Variants in ESR2 observed in about 807,000 individuals in gnomAD.
ESR2 encodes the protein estrogen receptor 2.
In ESR2, 36 loss-of-function variants were observed where a neutral mutation model predicts 49.6. The ratio of observed to expected loss-of-function variants is 0.73; its 90% CI spans 0.56 to 0.96. The LOEUF (loss-of-function observed/expected upper bound fraction) is 0.96, where lower values mean the gene tolerates loss of function less well. ESR2 is among the 40% of genes least tolerant of loss of function. The probability of loss-of-function intolerance (pLI) is 0.00; values close to 1 mark genes in which losing one functional copy is unlikely to be tolerated. For missense variants in ESR2, 714 were observed against 693.0 expected (o/e 1.03, Z -0.34); for synonymous variants, 320 against 266.1 (o/e 1.20, Z -1.97).
At position 64,229,162 on chromosome 14, in the gene ESR2, G is replaced by C. The variant is rs2098724974; in HGVS notation, c.*3975C>G. ...TCTTATTTTTCCATCTGTCATTGCT[G>C]CTGTTGTGTAAAGGCTCATGCAGAC... On this transcript the variant is annotated 3_prime_UTR_variant, in exon 9 of 9. Coordinates refer to ENST00000341099, the MANE Select transcript of ESR2 (RefSeq NM_001437.3). Among the ~76,000 whole-genome samples, 1 of 152,126 alleles carries C rather than the reference G, an allele frequency of 6.6e-6. No individual in the cohort carries two copies. Among genetic ancestry groups the C allele is most frequent in the Non-Finnish European group, 1.5e-5 (1 of 68,006 alleles).
chr14:64,309,221 A>G (rs2077152819), intron 1 of ESR2, among the ~76,000 whole-genome samples: 1 of 152,156 alleles, frequency 6.6e-6, no homozygotes, highest in Non-Finnish European at 1.5e-5. Context: ...ACTCATACTC[A>G]TTTACTGCTT....
At chr14:64,316,562 A>C (rs2077257890) in intron 1 of ESR2, among the ~76,000 whole-genome samples, 1 of 152,122 alleles carries the variant, frequency 6.6e-6, no homozygotes, top group Non-Finnish European at 1.5e-5. Flanking sequence ...TAATCCCAGC[A>C]CTTTGGGAGG....
intron 1 of ESR2, among the ~76,000 whole-genome samples, chr14:64,302,163 TA>T (rs2077028800): frequency 2.2e-5 from 3 of 133,874 alleles, no homozygotes; most frequent in Admixed American, 8.2e-5. Flanking sequence ...TTTTTATTTT[TA>T]TTTATTTATT....
intron 1 of ESR2, among the ~76,000 whole-genome samples, chr14:64,334,722 C>T (rs1354993998): frequency 2.6e-5 from 4 of 152,274 alleles, no homozygotes. Context: ...TCTCAGCTCA[C>T]TGCAACTTCT....
chr14:64,253,558 ATT>A (rs1491354711), intron 6 of ESR2, among the ~76,000 whole-genome samples: 18 of 90,222 alleles, frequency 2.0e-4, no homozygotes, highest in Non-Finnish European at 2.9e-4. Context: ...GGGGTACACT[ATT>A]TGTGTGTGTG....
chr14:64,329,778 G>GT (rs2077433249), intron 1 of ESR2: 2 of 152,286 alleles, frequency 1.3e-5, no homozygotes, highest in South Asian at 2.1e-4. Flanking sequence ...CTAATTTAAA[G>GT]TTTTTTATGT....
chr14:64,241,145 C>CAAAAA (rs56347632), intron 7 of ESR2, among the ~76,000 whole-genome samples: 12 of 95,380 alleles, frequency 1.3e-4, no homozygotes, highest in East Asian at 4.9e-4. Context: ...GACTCCGTCT[C>CAAAAA]AAAAAAAAAA....
chr14:64,300,819 G>A (rs1374033046), intron 1 of ESR2, among the ~76,000 whole-genome samples: 1 of 152,064 alleles, frequency 6.6e-6, no homozygotes, highest in East Asian at 1.9e-4. Flanking sequence ...TCTTCTTTGA[G>A]ACTGCATCTT....
chr14:64,276,962 A>G (rs2076568995), intron 3 of ESR2, among the ~76,000 whole-genome samples: 1 of 152,198 alleles, frequency 6.6e-6, no homozygotes, highest in African/African-American at 2.4e-5. Context: ...TGTCTTGTTC[A>G]CCACTGCATC....
intron 1 of ESR2, among the ~76,000 whole-genome samples, chr14:64,317,872 C>G (rs953925924): frequency 6.6e-6 from 1 of 152,086 alleles, no homozygotes; most frequent in Non-Finnish European, 1.5e-5. Context: ...TAACAAGCAT[C>G]TATAAAAAAA....
At chr14:64,267,883 CAAAA>C (rs397691951) in intron 4 of ESR2, among the ~76,000 whole-genome samples, 6 of 79,546 alleles carry the variant, frequency 7.5e-5, no homozygotes, top group Admixed American at 2.6e-4. Flanking sequence ...GACTCCATCT[CAAAA>C]AAAAAAAAAA....
In ESR2 at chr14:64,290,223, C is replaced by T. The variant is rs994121672; in HGVS notation, c.-91+3810G>A. On this transcript the variant is annotated intron_variant, in intron 1 of 8. Transcript: ENST00000341099. ...AGTAGCTGGGACTAAAGGCATGCAC[C>T]ATCATGCCCAGCTGATTTTTAAATT... 2.6e-4 allele frequency among the ~76,000 whole-genome samples: 39 copies of T among 151,990 alleles called. 1 individual carries two copies. The highest frequency in any genetic ancestry group is 2.1e-4 in the South Asian group (1 of 4,808).
At chr14:64,336,798 C>T (rs769846498) in intron 1 of ESR2, 5 of 152,136 alleles carry the variant, frequency 3.3e-5, no homozygotes, top group African/African-American at 9.7e-5. Context: ...TCCAGTATCA[C>T]CTTATTTCAA....
intron 1 of ESR2, among the ~76,000 whole-genome samples, chr14:64,316,830 A>G (rs2077261873): frequency 6.6e-6 from 1 of 152,164 alleles, no homozygotes; most frequent in Admixed American, 6.5e-5. Flanking sequence ...ATAAAATAAA[A>G]TAACTACAGA....
At position 64,280,011 on chromosome 14, in the gene ESR2, A is replaced by G. The variant is rs1029338063; in HGVS notation, c.505T>C (p.Cys169Arg). 4 of 1,614,056 alleles carry G rather than the reference A, an allele frequency of 2.5e-6. No homozygotes were observed. The highest frequency in any genetic ancestry group is 1.6e-4 in the Middle Eastern group (1 of 6,084). Residue 169 changes from cysteine to arginine, a missense_variant, in exon 3 of 9, where the codon TGT becomes CGT. Cys to Arg is a radical substitution (Grantham distance 180). Coordinates refer to ENST00000341099, the MANE Select transcript of ESR2 (RefSeq NM_001437.3). ...ATGCTTCTTTTAAAAAAGGCCTTAC[A>G]TCCTTCACACGACCAGACTCCATAG... ...YHYGVWSCEG[C>R]KAFFKRSIQG...
intron 1 of ESR2, among the ~76,000 whole-genome samples, chr14:64,288,072 G>A (rs1424870185): frequency 2.6e-5 from 4 of 152,084 alleles, no homozygotes; most frequent in African/African-American, 9.7e-5. Context: ...ATCCTGGGTG[G>A]TGAACAGGCT....
At chr14:64,287,181 C>T (rs1322892224) in intron 1 of ESR2, among the ~76,000 whole-genome samples, 1 of 152,124 alleles carries the variant, frequency 6.6e-6, no homozygotes, top group Admixed American at 6.6e-5. Flanking sequence ...AACTAAAACT[C>T]TCTGTTAAAC....
intron 4 of ESR2, among the ~76,000 whole-genome samples, chr14:64,261,982 T>C (rs1191453273): frequency 6.6e-6 from 1 of 152,182 alleles, no homozygotes; most frequent in Non-Finnish European, 1.5e-5. Context: ...AGTTTGACTG[T>C]TTTCTCAGAA....
At chr14:64,244,388 A>G (rs1315589894) in intron 7 of ESR2, among the ~76,000 whole-genome samples, 2 of 147,872 alleles carry the variant, frequency 1.4e-5, no homozygotes, top group Non-Finnish European at 3.0e-5. Flanking sequence ...TAACAAAGCA[A>G]GACTTCATCT....
Sources: gnomAD v4.1 joint callset for allele counts (sites outside exome capture counted in the v4.1 genomes callset) on GRCh38, gnomAD v4.1.1 for gene constraint, MANE v1.5 for transcripts, NCBI Gene and HGNC (gene_info 2026-07-23, HGNC 2026-07-21) for gene names.